The following TUSC3 variants were observed in gnomAD, a reference collection of about 807,000 sequenced individuals.
TUSC3 encodes dolichyl-diphosphooligosaccharide--protein glycosyltransferase subunit TUSC3.
In TUSC3, 45 loss-of-function variants were observed where a neutral mutation model predicts 44.8. That is an observed-to-expected ratio of 1.00 (90% CI 0.79 to 1.29). TUSC3 has a LOEUF of 1.29. Among genes scored for constraint, TUSC3 ranks in the 50% most tolerant of loss-of-function variants. The probability of loss-of-function intolerance (pLI) is 0.00; values close to 1 mark genes in which losing one functional copy is unlikely to be tolerated. For missense variants in TUSC3, 519 were observed against 437.9 expected (o/e 1.19, Z -1.65); for synonymous variants, 212 against 152.9 (o/e 1.39, Z -2.85).
intron 2 of TUSC3, among the ~76,000 whole-genome samples, chr8:15,502,178 C>T (rs898052443): frequency 6.6e-6 from 1 of 152,172 alleles, no homozygotes; most frequent in Admixed American, 6.5e-5. Context: ...AAATTGCAAA[C>T]TATGATTTTT....
chr8:15,836,121 T>C, the TUSC3 span, among the ~76,000 whole-genome samples: 1 of 150,278 alleles, frequency 6.7e-6, no homozygotes, highest in Non-Finnish European at 1.5e-5. Context: ...TCTCATACTA[T>C]TGTTTAATTT....
At chr8:15,437,755 T>A (rs1404514416) in intron 1 of TUSC3, among the ~76,000 whole-genome samples, 1 of 152,208 alleles carries the variant, frequency 6.6e-6, no homozygotes, top group Non-Finnish European at 1.5e-5. Context: ...TATTGTTTGC[T>A]CATGGAAACC....
chr8:15,484,210 A>G (rs2129124979), intron 2 of TUSC3, among the ~76,000 whole-genome samples: 1 of 152,110 alleles, frequency 6.6e-6, no homozygotes, highest in African/African-American at 2.4e-5. Context: ...GCACTTATGC[A>G]ACCATAAATT....
intron 5 of TUSC3, among the ~76,000 whole-genome samples, chr8:15,669,816 C>T (rs1012430373): frequency 6.6e-6 from 1 of 151,570 alleles, no homozygotes; most frequent in Non-Finnish European, 1.5e-5. Context: ...TACTGGGACC[C>T]TGAGCATTGC....
intron 1 of TUSC3, among the ~76,000 whole-genome samples, chr8:15,440,074 A>T (rs1800000821): frequency 6.6e-6 from 1 of 152,206 alleles, no homozygotes; most frequent in African/African-American, 2.4e-5. Flanking sequence ...TATCCCACTT[A>T]CGCATGTGTA....
intron 1 of TUSC3, among the ~76,000 whole-genome samples, chr8:15,573,320 C>A (rs1490433692): frequency 6.6e-6 from 1 of 150,474 alleles, no homozygotes; most frequent in Non-Finnish European, 1.5e-5. Flanking sequence ...AGCTGCCTTC[C>A]AATCCACATC....
At chr8:15,655,792 T>G (rs1807136383) in intron 3 of TUSC3, among the ~76,000 whole-genome samples, 1 of 152,188 alleles carries the variant, frequency 6.6e-6, no homozygotes. Flanking sequence ...AAATATATGC[T>G]AAATAGTTCT....
At chr8:15,509,581 C>G (rs1037039143) in intron 2 of TUSC3, among the ~76,000 whole-genome samples, 2 of 151,936 alleles carry the variant, frequency 1.3e-5, no homozygotes, top group Non-Finnish European at 2.9e-5. Flanking sequence ...GCACTCAAAC[C>G]TGGGAGACAG....
the TUSC3 span, among the ~76,000 whole-genome samples, chr8:15,845,134 G>A: frequency 6.6e-6 from 1 of 152,122 alleles, no homozygotes; most frequent in Admixed American, 6.5e-5. Flanking sequence ...AGAACAAGAA[G>A]AAACCTCATC....
rs1347215538 is a variant in TUSC3 at position 15,730,650 on chromosome 8, T to C, written c.799-16T>C. 6.2e-7 allele frequency: 1 copy of C among 1,612,178 alleles called. No homozygotes were observed. Among genetic ancestry groups the C allele is most frequent in the Non-Finnish European group, 8.5e-7 (1 of 1,178,950 alleles). ...GGCTTTCTCAGACTGTAATTTCTGT[T>C]TGTCTTCTTTTATAGAGCTACATTC... On this transcript the variant is annotated splice_polypyrimidine_tract_variant and intron_variant, in intron 6 of 10. Coordinates refer to ENST00000503731, the MANE Select transcript of TUSC3 (RefSeq NM_006765.4).
chr8:15,834,266 C>T, the TUSC3 span, among the ~76,000 whole-genome samples: 2 of 151,988 alleles, frequency 1.3e-5, no homozygotes, highest in Non-Finnish European at 2.9e-5. Flanking sequence ...CTTGCACTTT[C>T]ATACTAAATT....
At chr8:15,704,340 AGT>A (rs2129196751) in intron 6 of TUSC3, among the ~76,000 whole-genome samples, 1 of 150,098 alleles carries the variant, frequency 6.7e-6, no homozygotes, top group East Asian at 2.0e-4. Flanking sequence ...ATATGATTAG[AGT>A]GACACGGTGC....
chr8:15,431,894 C>A (rs1178099776), intron 1 of TUSC3, among the ~76,000 whole-genome samples: 5 of 60,202 alleles, frequency 8.3e-5, no homozygotes, highest in Non-Finnish European at 2.6e-4. Flanking sequence ...TGTTCAAATG[C>A]CATTTCTGTG....
intron 2 of TUSC3, among the ~76,000 whole-genome samples, chr8:15,495,369 C>A (rs1800867859): frequency 1.3e-5 from 2 of 152,122 alleles, no homozygotes; most frequent in Admixed American, 1.3e-4. Flanking sequence ...TGTCAAATGC[C>A]AATTATTTAT....
chr8:15,675,159 T>A (rs998608725), intron 6 of TUSC3, among the ~76,000 whole-genome samples: 2 of 152,148 alleles, frequency 1.3e-5, no homozygotes, highest in African/African-American at 4.8e-5. Context: ...TTATCAGGTT[T>A]TGTCACTGAT....
chr8:15,537,180 A>C (rs926827345), upstream of TUSC3, among the ~76,000 whole-genome samples: 1 of 152,064 alleles, frequency 6.6e-6, no homozygotes, highest in Non-Finnish European at 1.5e-5. Flanking sequence ...TGCTCTGCAC[A>C]ATAAAACTTG....
intron 10 of TUSC3, among the ~76,000 whole-genome samples, chr8:15,760,063 C>A (rs1035822403): frequency 1.5e-4 from 23 of 152,092 alleles, no homozygotes; most frequent in African/African-American, 5.6e-4. Flanking sequence ...TAGTCATTAT[C>A]CCCCATAATA....
the TUSC3 span, among the ~76,000 whole-genome samples, chr8:15,835,753 G>C: frequency 6.6e-6 from 1 of 152,170 alleles, no homozygotes; most frequent in East Asian, 1.9e-4. Flanking sequence ...TGTGTGCGTT[G>C]TGGGGTTTGG....
At chr8:15,499,813 A>G (rs749896475) in intron 2 of TUSC3, among the ~76,000 whole-genome samples, 3 of 152,062 alleles carry the variant, frequency 2.0e-5, no homozygotes, top group African/African-American at 7.2e-5. Flanking sequence ...CAGCTTGTCA[A>G]CTGTAGATTC....
Sources: gnomAD v4.1 joint callset for allele counts (sites outside exome capture counted in the v4.1 genomes callset) on GRCh38, gnomAD v4.1.1 for gene constraint, MANE v1.5 for transcripts, NCBI Gene and HGNC (gene_info 2026-07-23, HGNC 2026-07-21) for gene names.